Variants in TLE1 observed in about 807,000 individuals in gnomAD.
TLE1 encodes the protein transducin-like enhancer protein 1.
In TLE1, 21 loss-of-function variants were observed where a neutral mutation model predicts 89.8. The observed-to-expected ratio is 0.23, with a 90% confidence interval of 0.17 to 0.34. The LOEUF (loss-of-function observed/expected upper bound fraction) is 0.34, where lower values mean the gene tolerates loss of function less well. Ranked by LOEUF, TLE1 falls within the 10% of genes least tolerant of loss-of-function variation. The probability of loss-of-function intolerance (pLI) is 1.00; values close to 1 mark genes in which losing one functional copy is unlikely to be tolerated. For synonymous variants in TLE1, 447 were observed against 407.6 expected, an observed-to-expected ratio of 1.10 and a Z score of -1.16; for missense variants, 795 against 1,031.2, an observed-to-expected ratio of 0.77 and a Z score of 3.14.
intron 9 of TLE1, among the ~76,000 whole-genome samples, chr9:81,618,801 A>G (rs1824874479): frequency 6.6e-6 from 1 of 152,242 alleles, no homozygotes; most frequent in Non-Finnish European, 1.5e-5. Context: ...CTTTGTTACA[A>G]TGGAACTCTG....
intron 14 of TLE1, among the ~76,000 whole-genome samples, chr9:81,597,606 A>G (rs1030132520): frequency 2.6e-5 from 4 of 152,148 alleles, no homozygotes; most frequent in Admixed American, 6.5e-5. Context: ...CATCTCAGAA[A>G]GCCTCAGAAC....
intron 4 of TLE1, among the ~76,000 whole-genome samples, chr9:81,675,794 T>TG (rs1256963057): frequency 7.0e-6 from 1 of 143,038 alleles, no homozygotes; most frequent in Non-Finnish European, 1.5e-5. Flanking sequence ...TCCAACCCCC[T>TG]GGTTCAAGTG....
chr9:81,589,155 A>G (rs923503884), intron 16 of TLE1, among the ~76,000 whole-genome samples: 7 of 152,126 alleles, frequency 4.6e-5, no homozygotes, highest in African/African-American at 1.4e-4. Context: ...TCACTTGGTG[A>G]AAGTGTTGCT....
chr9:81,607,168 C>T (rs1831807445), intron 14 of TLE1, among the ~76,000 whole-genome samples: 1 of 152,134 alleles, frequency 6.6e-6, no homozygotes, highest in Non-Finnish European at 1.5e-5. Flanking sequence ...AGTACCCCGA[C>T]ATAGTATCAC....
intron 14 of TLE1, among the ~76,000 whole-genome samples, chr9:81,607,134 G>A (rs1461928852): frequency 6.6e-6 from 1 of 151,844 alleles, no homozygotes; most frequent in African/African-American, 2.4e-5. Context: ...AAAGGCCAAT[G>A]GCGATTTTGA....
intron 4 of TLE1, among the ~76,000 whole-genome samples, chr9:81,684,503 T>C (rs1487597699): frequency 6.6e-6 from 1 of 151,850 alleles, no homozygotes; most frequent in Non-Finnish European, 1.5e-5. Context: ...AATCAAAGAG[T>C]GCGGAGTTAC....
intron 4 of TLE1, among the ~76,000 whole-genome samples, chr9:81,683,165 G>C (rs1833836292): frequency 6.6e-6 from 1 of 151,852 alleles, no homozygotes; most frequent in Non-Finnish European, 1.5e-5. Flanking sequence ...TCGTCACACT[G>C]GAGACAAATC....
chr9:81,638,171 C>T (rs1827646652), intron 6 of TLE1, among the ~76,000 whole-genome samples: 1 of 152,134 alleles, frequency 6.6e-6, no homozygotes. Context: ...GGGGAGTTTA[C>T]GCTTAGACTG....
chr9:81,669,298 CATCTGTCTA>C (rs1306666505), intron 4 of TLE1, among the ~76,000 whole-genome samples: 1 of 152,226 alleles, frequency 6.6e-6, no homozygotes, highest in Admixed American at 6.5e-5. Context: ...TTTTCATCTC[CATCTGTCTA>C]ATAGACATGT....
At chr9:81,635,198 A>T (rs1041714354) in intron 6 of TLE1, among the ~76,000 whole-genome samples, 1 of 152,192 alleles carries the variant, frequency 6.6e-6, no homozygotes, top group African/African-American at 2.4e-5. Context: ...ATTAGAAACG[A>T]AACTTTGTTT....
chr9:81,632,418 T>G (rs1826763037), intron 8 of TLE1, among the ~76,000 whole-genome samples: 2 of 151,794 alleles, frequency 1.3e-5, no homozygotes, highest in African/African-American at 2.4e-5. Flanking sequence ...CCTGAACTTT[T>G]ATCTTCCCCC....
At position 81,675,698 on chromosome 9, in the gene TLE1, G is replaced by GT. The variant is rs35060460; in HGVS notation, c.234+9977dup. Among the ~76,000 whole-genome samples, 740 of 129,670 alleles carry GT rather than the reference G, an allele frequency of 5.7e-3. 29 individuals are homozygous for GT. Among genetic ancestry groups the GT allele is most frequent in the Middle Eastern group, 0.02 (5 of 252 alleles). The allele number at this position is 129,670 out of a possible 152,430, so 85.1% of individuals were successfully genotyped here. On this transcript the variant is annotated intron_variant, in intron 4 of 19. Coordinates refer to ENST00000376499, the MANE Select transcript of TLE1 (RefSeq NM_005077.5). ...AATTTTAGCATAAGGACTCACACTAGTTTTTTTTTGTTTTTTTTTTTGAGA... is the reference window on the plus strand; with the variant it reads ...AATTTTAGCATAAGGACTCACACTAGTTTTTTTTTTGTTTTTTTTTTTGAGA...
chr9:81,672,491 T>C (rs568964692), intron 4 of TLE1, among the ~76,000 whole-genome samples: 3 of 150,750 alleles, frequency 2.0e-5, no homozygotes, highest in African/African-American at 7.3e-5. Context: ...TCCCCAAATA[T>C]TAGTACATCA....
chr9:81,679,768 G>C (rs895784934), intron 4 of TLE1, among the ~76,000 whole-genome samples: 4 of 152,146 alleles, frequency 2.6e-5, no homozygotes, highest in Admixed American at 6.6e-5. Context: ...AAGCAATGGG[G>C]AGGGGAGAGG....
At chr9:81,595,696 G>GT (rs1335775691) in intron 14 of TLE1, among the ~76,000 whole-genome samples, 2 of 151,752 alleles carry the variant, frequency 1.3e-5, no homozygotes, top group Non-Finnish European at 2.9e-5. Flanking sequence ...GCGGGCGCTT[G>GT]TAGTCCCAGC....
At chr9:81,589,390 A>T (rs1008481515) in intron 16 of TLE1, among the ~76,000 whole-genome samples, 2 of 152,194 alleles carry the variant, frequency 1.3e-5, no homozygotes, top group Non-Finnish European at 2.9e-5. Context: ...GCTGGGTTAC[A>T]GTGGATACAA....
rs1002151508 is a variant in TLE1 at position 81,583,982 on chromosome 9, C to T, written c.*216G>A. On this transcript the variant is annotated 3_prime_UTR_variant, in exon 20 of 20. Transcript: ENST00000376499. ...CTACAACCCATGGCCCCTCTGTCCGCTTGGCCTTGGTGCTCCATTTGGTCT... is the reference window on the plus strand; with the variant it reads ...CTACAACCCATGGCCCCTCTGTCCGTTTGGCCTTGGTGCTCCATTTGGTCT... 7 of 544,570 alleles carry T rather than the reference C, an allele frequency of 1.3e-5. No individual in the cohort carries two copies. The African/African-American group carries it at 1.3e-4, about 10-fold the overall frequency. The allele number at this position is 544,570 out of a possible 1,614,324, so 33.7% of individuals were successfully genotyped here. A position where few individuals can be genotyped will look rare whatever the true frequency, so the allele number is the denominator to read the frequency against.
chr9:81,662,234 A>C (rs1588163479), intron 4 of TLE1, among the ~76,000 whole-genome samples: 2 of 144,038 alleles, frequency 1.4e-5, no homozygotes. Context: ...ACAGTTAAAT[A>C]CGCTACACAC....
In TLE1 at chr9:81,662,364, TGTGTGTGTG is replaced by T. The variant is rs1373937051; in HGVS notation, c.235-8337_235-8329del. 1.5e-4 allele frequency among the ~76,000 whole-genome samples: 8 copies of T among 53,224 alleles called. No homozygotes were observed. The East Asian group carries it at 6.0e-3, about 40-fold the overall frequency. 34.9% of individuals were successfully genotyped at this position (53,224 alleles called of 152,430 possible). ...TGTTAGTATTAGTGTGCCTGTTTTG[TGTGTGTGTG>T]TGTGTGTGTGTGTGTGTGTGTGTGT... On this transcript the variant is annotated intron_variant, in intron 4 of 19. Coordinates refer to ENST00000376499, the MANE Select transcript of TLE1 (RefSeq NM_005077.5).
Sources: gnomAD v4.1 joint callset for allele counts (sites outside exome capture counted in the v4.1 genomes callset) on GRCh38, gnomAD v4.1.1 for gene constraint, MANE v1.5 for transcripts, NCBI Gene and HGNC (gene_info 2026-07-23, HGNC 2026-07-21) for gene names.